ADAMTSL1: variants seen among roughly 807,000 people sequenced by gnomAD.
ADAMTSL1 encodes the protein ADAMTS like 1, also known as ADAMTS-like protein 1.
ADAMTSL1 carries 126 observed loss-of-function variants against 201.8 expected under a neutral mutation model. The ratio of observed to expected loss-of-function variants is 0.62; its 90% CI spans 0.54 to 0.72. ADAMTSL1 has a LOEUF of 0.72. ADAMTSL1 is among the 30% of genes least tolerant of loss of function. The pLI, the probability that ADAMTSL1 is intolerant of heterozygous loss-of-function variation, is 0.00. For missense variants in ADAMTSL1, 2,679 were observed against 2,277.8 expected (o/e 1.18, Z -3.59); for synonymous variants, 1,121 against 903.4 (o/e 1.24, Z -4.32).
At chr9:18,027,291 C>G (rs1483127127) in intron 1 of ADAMTSL1, among the ~76,000 whole-genome samples, 3 of 151,510 alleles carry the variant, frequency 2.0e-5, no homozygotes, top group South Asian at 2.1e-4. Flanking sequence ...TCTAATTTCT[C>G]TAGGCGCAAT....
At chr9:18,717,963 A>C in intron 14 of ADAMTSL1, 7 of 1,524,694 alleles carry the variant, frequency 4.6e-6, no homozygotes, top group Non-Finnish European at 6.4e-6. Context: ...GCTGCAATGC[A>C]CTTAGTACAT....
chr9:18,528,141 G>T (rs917691361), intron 2 of ADAMTSL1, among the ~76,000 whole-genome samples: 1 of 152,276 alleles, frequency 6.6e-6, no homozygotes, highest in Non-Finnish European at 1.5e-5. Flanking sequence ...GCCGCCCAAA[G>T]TGCTGGGATT....
chr9:18,793,912 A>G (rs12336773), intron 19 of ADAMTSL1, among the ~76,000 whole-genome samples: 23,782 of 152,128 alleles, frequency 0.16, 2,050 homozygotes, highest in Admixed American at 0.25. Context: ...CCATAATGTC[A>G]CAGGTACTTT....
At chr9:18,434,382 A>G (rs1299457171) in intron 2 of ADAMTSL1, among the ~76,000 whole-genome samples, 1 of 152,172 alleles carries the variant, frequency 6.6e-6, no homozygotes, top group African/African-American at 2.4e-5. Context: ...CAATTTTGGC[A>G]AATTTTTATG....
intron 23 of ADAMTSL1, among the ~76,000 whole-genome samples, chr9:18,864,929 T>A (rs1827414256): frequency 6.6e-6 from 1 of 152,204 alleles, no homozygotes; most frequent in Admixed American, 6.5e-5. Flanking sequence ...TACTTAGGGA[T>A]GTTAGACCCA....
At chr9:18,043,569 C>A (rs755952230) in intron 1 of ADAMTSL1, among the ~76,000 whole-genome samples, 2 of 151,962 alleles carry the variant, frequency 1.3e-5, no homozygotes, top group Non-Finnish European at 2.9e-5. Flanking sequence ...CTAGGCCTAA[C>A]CCCTACCCCA....
At chr9:18,598,382 G>A (rs546637329) in intron 4 of ADAMTSL1, among the ~76,000 whole-genome samples, 85 of 152,170 alleles carry the variant, frequency 5.6e-4, no homozygotes, top group Non-Finnish European at 1.0e-3. Flanking sequence ...TAATCTGAAT[G>A]AAGTGAGAAT....
At chr9:18,560,953 C>T (rs556290027) in intron 3 of ADAMTSL1, among the ~76,000 whole-genome samples, 48 of 145,646 alleles carry the variant, frequency 3.3e-4, no homozygotes, top group Admixed American at 2.8e-3. Flanking sequence ...AAAAAAAAAA[C>T]AGCTCCTGGA....
intron 2 of ADAMTSL1, among the ~76,000 whole-genome samples, chr9:18,221,438 A>G (rs1270696063): frequency 6.6e-6 from 1 of 152,140 alleles, no homozygotes; most frequent in Non-Finnish European, 1.5e-5. Context: ...GTGTTGAAAC[A>G]TCTTATTTAT....
intron 1 of ADAMTSL1, among the ~76,000 whole-genome samples, chr9:17,922,321 CTT>C (rs1174062817): frequency 6.6e-6 from 1 of 152,084 alleles, no homozygotes; most frequent in Non-Finnish European, 1.5e-5. Flanking sequence ...CTTAAGGACT[CTT>C]TAGTCTTGTG....
intron 2 of ADAMTSL1, among the ~76,000 whole-genome samples, chr9:18,243,062 A>G (rs1260631701): frequency 1.3e-5 from 2 of 152,160 alleles, no homozygotes; most frequent in Non-Finnish European, 2.9e-5. Context: ...TTAAGACATT[A>G]CACTTTCTGA....
In ADAMTSL1 at chr9:18,135,926, A is replaced by T. The variant is rs1015961144; in HGVS notation, c.88-27936A>T. Among the ~76,000 whole-genome samples, 2 of 152,142 alleles carry T rather than the reference A, an allele frequency of 1.3e-5. 1 individual carries two copies. Among genetic ancestry groups the T allele is most frequent in the South Asian group, 4.1e-4 (2 of 4,826 alleles). ...CATACCCCTCACTCAATCCTCACAA[A>T]CAGTCCTCTGAGAAATATAGACTTT... On this transcript the variant is annotated intron_variant, in intron 1 of 29. Transcript: ENST00000680146.
chr9:18,665,909 C>A (rs1252415108), intron 9 of ADAMTSL1, among the ~76,000 whole-genome samples: 1 of 152,172 alleles, frequency 6.6e-6, no homozygotes, highest in South Asian at 2.1e-4. Flanking sequence ...AATGAACTCA[C>A]TAATAATCCC....
intron 2 of ADAMTSL1, among the ~76,000 whole-genome samples, chr9:18,262,271 G>A (rs968397402): frequency 2.6e-5 from 4 of 152,100 alleles, no homozygotes; most frequent in African/African-American, 9.7e-5. Flanking sequence ...TGGAGACTGT[G>A]GCAAAATAGA....
chr9:18,214,919 C>A (rs1053081246), intron 2 of ADAMTSL1, among the ~76,000 whole-genome samples: 7 of 151,998 alleles, frequency 4.6e-5, no homozygotes, highest in Admixed American at 3.9e-4. Context: ...TTCTGCCCAC[C>A]GTAGATCAGG....
chr9:18,839,320 G>A (rs1420820468), intron 23 of ADAMTSL1, among the ~76,000 whole-genome samples: 5 of 151,664 alleles, frequency 3.3e-5, no homozygotes, highest in Non-Finnish European at 2.9e-5. Context: ...TACTGAGAAT[G>A]ATGATTTCCA....
chr9:18,766,478 G>T (rs1312268808), intron 16 of ADAMTSL1, among the ~76,000 whole-genome samples: 1 of 152,138 alleles, frequency 6.6e-6, no homozygotes, highest in Non-Finnish European at 1.5e-5. Flanking sequence ...TTTTTCAAAT[G>T]ATCACATTTG....
chr9:18,342,853 T>C (rs1835526004), intron 2 of ADAMTSL1, among the ~76,000 whole-genome samples: 1 of 152,188 alleles, frequency 6.6e-6, no homozygotes, highest in South Asian at 2.1e-4. Context: ...AGATTTCATC[T>C]GAAACTTCTG....
At chr9:18,629,322 C>A (rs192649413) in intron 5 of ADAMTSL1, among the ~76,000 whole-genome samples, 1 of 152,128 alleles carries the variant, frequency 6.6e-6, no homozygotes, top group Admixed American at 6.6e-5. Context: ...TTATCTTATT[C>A]CTAATCTTAA....
Sources: gnomAD v4.1 joint callset for allele counts (sites outside exome capture counted in the v4.1 genomes callset) on GRCh38, gnomAD v4.1.1 for gene constraint, MANE v1.5 for transcripts, NCBI Gene and HGNC (gene_info 2026-07-23, HGNC 2026-07-21) for gene names.